Variants in EYA2 observed in about 807,000 individuals in gnomAD.
The protein encoded by EYA2 is EYA transcriptional coactivator and phosphatase 2.
A neutral mutation model predicts 69.2 loss-of-function variants in EYA2; 31 were observed. The observed-to-expected ratio is 0.45, with a 90% CI of 0.34 to 0.60. The LOEUF is 0.60. Ranked by LOEUF, EYA2 falls within the 20% of genes least tolerant of loss-of-function variation. EYA2 has a pLI of 0.02. For missense variants in EYA2, 622 were observed against 701.2 expected, an observed-to-expected ratio of 0.89 and a Z score of 1.28; for synonymous variants, 257 against 279.4, an observed-to-expected ratio of 0.92 and a Z score of 0.80.
intron 8 of EYA2, among the ~76,000 whole-genome samples, chr20:47,096,422 G>C (rs540615550): frequency 1.3e-5 from 2 of 152,212 alleles, no homozygotes; most frequent in Non-Finnish European, 2.9e-5. Flanking sequence ...ACAGCTGATA[G>C]ACATTAGAGC....
chr20:46,928,875 G>C (rs1190477234), intron 1 of EYA2, among the ~76,000 whole-genome samples: 1 of 152,176 alleles, frequency 6.6e-6, no homozygotes, highest in Non-Finnish European at 1.5e-5. Context: ...AAGCGGTGCT[G>C]TGCCGATGTT....
At chr20:47,172,959 A>T in intron 12 of EYA2, 92 bp downstream of exon 12, 1 of 1,441,270 alleles carries the variant, frequency 6.9e-7, no homozygotes, top group Non-Finnish European at 9.4e-7. Flanking sequence ...CCAGGCAGAG[A>T]GGTTCACAAG....
Position 47,089,243 on chromosome 20 carries a change from A to T in EYA2, c.666A>T (p.Glu222Asp), listed in dbSNP as rs1480109658. 8.1e-6 allele frequency: 13 copies of T among 1,613,898 alleles called. No individual in the cohort carries two copies. The highest frequency in any genetic ancestry group is 9.3e-6 in the Non-Finnish European group (11 of 1,179,970). Residue 222 changes from glutamate to aspartate, a missense_variant, in exon 8 of 16, where the codon GAA (glutamate) becomes GAT (aspartate). Coordinates refer to ENST00000327619, the MANE Select transcript of EYA2 (RefSeq NM_005244.5). ...CCATTCCCTTTCTTACGCCAGGTGA[A>T]TACAACACACACAATGGACCTTCCA... ...PNQSSESLAG[E>D]YNTHNGPSTP...
intron 10 of EYA2, among the ~76,000 whole-genome samples, chr20:47,147,770 C>G (rs2033732389): frequency 6.6e-6 from 1 of 152,084 alleles, no homozygotes; most frequent in African/African-American, 2.4e-5. Context: ...AAGAATGGTC[C>G]AGGATTGGCC....
intron 11 of EYA2, among the ~76,000 whole-genome samples, chr20:47,172,122 A>T (rs566673428): frequency 4.0e-5 from 6 of 151,362 alleles, no homozygotes; most frequent in Admixed American, 1.3e-4. Context: ...AAAAATAAAA[A>T]AAATAAAAAA....
Position 47,039,877 on chromosome 20 carries a change from G to A in EYA2, c.415+23580G>A, listed in dbSNP as rs182985557. Among the ~76,000 whole-genome samples, 356 of 110,260 alleles carry A rather than the reference G, an allele frequency of 3.2e-3. 8 individuals are homozygous for A. The East Asian group carries it at 0.078, about 24-fold the overall frequency. The allele number at this position is 110,260 out of a possible 152,430, so 72.3% of individuals were successfully genotyped here. A position where few individuals can be genotyped will look rare whatever the true frequency, so the allele number is the denominator to read the frequency against. On this transcript the variant is annotated intron_variant, in intron 5 of 15. Transcript: ENST00000327619. ...TTTTTTTGAGATGGAGTCTTGCTCC[G>A]TCACCCAGGCTGGAGTGCAATGGTG...
At chr20:47,057,139 G>GAGGGAGGAAGGA (rs372743294) in intron 5 of EYA2, among the ~76,000 whole-genome samples, 93 of 129,178 alleles carry the variant, frequency 7.2e-4, no homozygotes, top group African/African-American at 2.3e-3. Context: ...AGGAAGGAGG[G>GAGGGAGGAAGGA]AGGAAGGAAG....
At chr20:46,964,715 C>T (rs1416209046) in intron 1 of EYA2, among the ~76,000 whole-genome samples, 1 of 152,208 alleles carries the variant, frequency 6.6e-6, no homozygotes, top group Admixed American at 6.5e-5. Flanking sequence ...TCCCGTTTCA[C>T]AGATGAGGAA....
At position 46,920,826 on chromosome 20, in the gene EYA2, A is replaced by G. The variant is rs146575992; in HGVS notation, c.-11+25839A>G. Among the ~76,000 whole-genome samples, 440 of 152,352 alleles carry G rather than the reference A, an allele frequency of 2.9e-3. 1 individual carries two copies. Among genetic ancestry groups the G allele is most frequent in the African/African-American group, 1.0e-2 (415 of 41,588 alleles). On this transcript the variant is annotated intron_variant, in intron 1 of 15. Transcript: ENST00000327619. ...CCCTTACTGATTTTCCAGGGAGCTC[A>G]GGACTCATCATCTCTCTGGGAGAAA...
chr20:47,068,376 C>T (rs959325507), intron 5 of EYA2, among the ~76,000 whole-genome samples: 3 of 152,232 alleles, frequency 2.0e-5, no homozygotes, highest in Non-Finnish European at 2.9e-5. Context: ...GGCTTAAGGC[C>T]TTCTCTGCTG....
chr20:47,082,577 G>A (rs1468749862), intron 7 of EYA2, among the ~76,000 whole-genome samples: 1 of 152,164 alleles, frequency 6.6e-6, no homozygotes, highest in Non-Finnish European at 1.5e-5. Flanking sequence ...GTTAAAGAAG[G>A]CATTAATAAA....
intron 5 of EYA2, among the ~76,000 whole-genome samples, chr20:47,025,112 C>A (rs1373592893): frequency 6.6e-6 from 1 of 152,222 alleles, no homozygotes; most frequent in African/African-American, 2.4e-5. Flanking sequence ...CTCTTCATCA[C>A]CTCCATCAAG....
At chr20:47,098,041 A>G (rs1048915286) in intron 9 of EYA2, among the ~76,000 whole-genome samples, 14 of 152,164 alleles carry the variant, frequency 9.2e-5, no homozygotes, top group Admixed American at 7.2e-4. Context: ...ACATCACTTC[A>G]TGGCTTTTCC....
At chr20:47,049,250 C>T (rs1175301997) in intron 5 of EYA2, among the ~76,000 whole-genome samples, 4 of 152,206 alleles carry the variant, frequency 2.6e-5, no homozygotes, top group Non-Finnish European at 5.9e-5. Flanking sequence ...ACATAACCAT[C>T]GGGCAGTGAT....
intron 1 of EYA2, among the ~76,000 whole-genome samples, chr20:46,936,909 T>G (rs1985935080): frequency 6.6e-6 from 1 of 152,206 alleles, no homozygotes; most frequent in African/African-American, 2.4e-5. Flanking sequence ...GCCCTTGTGT[T>G]CAAGCCCGCT....
At chr20:46,907,005 C>A (rs1984391738) in intron 1 of EYA2, among the ~76,000 whole-genome samples, 2 of 152,184 alleles carry the variant, frequency 1.3e-5, no homozygotes, top group Admixed American at 1.3e-4. Context: ...ACGTTCAAAT[C>A]CACTGTCTAC....
chr20:46,924,595 A>G (rs955451605), intron 1 of EYA2, among the ~76,000 whole-genome samples: 1 of 144,646 alleles, frequency 6.9e-6, no homozygotes, highest in African/African-American at 2.6e-5. Flanking sequence ...GCGTGAACCC[A>G]GGAGGCGGAG....
chr20:47,062,770 T>C (rs1410143278), intron 5 of EYA2, among the ~76,000 whole-genome samples: 1 of 152,062 alleles, frequency 6.6e-6, no homozygotes, highest in Non-Finnish European at 1.5e-5. Flanking sequence ...AGTCATAATA[T>C]TGCCAATAAA....
At chr20:46,926,756 A>G (rs1037691917) in intron 1 of EYA2, among the ~76,000 whole-genome samples, 11 of 152,334 alleles carry the variant, frequency 7.2e-5, no homozygotes, top group African/African-American at 2.4e-4. Context: ...CTTTTCCACT[A>G]TATCTCTTTA....
Sources: allele counts gnomAD v4.1 joint callset (sites outside exome capture counted in the v4.1 genomes callset), GRCh38; gene constraint gnomAD v4.1.1; transcripts MANE v1.5; gene names NCBI Gene and HGNC (gene_info 2026-07-23, HGNC 2026-07-21).